NLGN1: variants seen among roughly 807,000 people sequenced by gnomAD.
The protein encoded by NLGN1 is neuroligin 1, also known as neuroligin-1.
A neutral mutation model predicts 65.5 loss-of-function variants in NLGN1; 12 were observed. The ratio of observed to expected loss-of-function variants is 0.18; its 90% CI spans 0.12 to 0.30. The LOEUF is 0.30. Ranked by LOEUF, NLGN1 falls within the 10% of genes least tolerant of loss-of-function variation. The pLI, the probability that NLGN1 is intolerant of heterozygous loss-of-function variation, is 1.00. For synonymous variants in NLGN1, 350 were observed against 359.5 expected, an observed-to-expected ratio of 0.97 and a Z score of 0.30; for missense variants, 750 against 1,007.1, an observed-to-expected ratio of 0.74 and a Z score of 3.46.
intron 4 of NLGN1, among the ~76,000 whole-genome samples, chr3:174,241,040 T>G (rs537606932): frequency 6.6e-6 from 1 of 152,262 alleles, no homozygotes; most frequent in East Asian, 1.9e-4. Context: ...AGTAGTCACT[T>G]AAAATAACAG....
chr3:173,811,698 G>A (rs1010058850), intron 4 of NLGN1, among the ~76,000 whole-genome samples: 2 of 151,616 alleles, frequency 1.3e-5, no homozygotes, highest in African/African-American at 4.8e-5. Flanking sequence ...ATGTTCTTAT[G>A]GACAAGAATT....
At chr3:174,198,056 T>C (rs1733795203) in intron 4 of NLGN1, among the ~76,000 whole-genome samples, 1 of 152,170 alleles carries the variant, frequency 6.6e-6, no homozygotes, top group Non-Finnish European at 1.5e-5. Flanking sequence ...CTTAGTTGAT[T>C]GTTACTATGT....
intron 4 of NLGN1, among the ~76,000 whole-genome samples, chr3:173,935,620 ACACTCTCTCTCTCT>A (rs1744915107): frequency 8.6e-6 from 1 of 116,554 alleles, no homozygotes; most frequent in African/African-American, 3.2e-5. Context: ...ACACACACAC[ACACTCTCTCTCTCT>A]CTCTCTCTCT....
chr3:174,098,297 G>C (rs1157533264), intron 4 of NLGN1, among the ~76,000 whole-genome samples: 2 of 151,958 alleles, frequency 1.3e-5, no homozygotes, highest in East Asian at 3.9e-4. Flanking sequence ...TTGTAATTCA[G>C]TTTGTGCAAA....
intron 2 of NLGN1, among the ~76,000 whole-genome samples, chr3:173,449,470 G>C (rs1275739675): frequency 2.0e-5 from 3 of 152,142 alleles, no homozygotes; most frequent in Non-Finnish European, 2.9e-5. Flanking sequence ...GCTGAGGAGT[G>C]CTTTACTTCC....
intron 3 of NLGN1, among the ~76,000 whole-genome samples, chr3:173,743,642 T>C (rs1255332887): frequency 6.6e-6 from 1 of 152,146 alleles, no homozygotes; most frequent in Non-Finnish European, 1.5e-5. Context: ...TATGTCTAAG[T>C]GGAAAATGTT....
intron 2 of NLGN1, among the ~76,000 whole-genome samples, chr3:173,515,518 T>C (rs1733677240): frequency 6.6e-6 from 1 of 152,170 alleles, no homozygotes; most frequent in Admixed American, 6.5e-5. Context: ...ATTTTTGCTT[T>C]GGTTGCCCAT....
chr3:173,868,241 G>A (rs1730554605), intron 4 of NLGN1, among the ~76,000 whole-genome samples: 1 of 152,190 alleles, frequency 6.6e-6, no homozygotes. Flanking sequence ...GAGAGAAAGT[G>A]AATATGAGCA....
At chr3:173,511,055 G>C (rs1732864597) in intron 2 of NLGN1, among the ~76,000 whole-genome samples, 2 of 152,148 alleles carry the variant, frequency 1.3e-5, no homozygotes, top group Non-Finnish European at 2.9e-5. Context: ...GATAATATCA[G>C]TAATTTTATG....
chr3:173,807,656 G>C (rs752824838), intron 3 of NLGN1, 24 bp from the exon 4 acceptor site: 1 of 1,609,354 alleles, frequency 6.2e-7, no homozygotes. Flanking sequence ...GGATAAGAAC[G>C]ATTGCCAACC....
chr3:173,535,159 T>A (rs921698641), intron 2 of NLGN1, among the ~76,000 whole-genome samples: 1 of 152,146 alleles, frequency 6.6e-6, no homozygotes, highest in African/African-American at 2.4e-5. Context: ...AGGCATATGG[T>A]TAGTCCACAA....
intron 1 of NLGN1, among the ~76,000 whole-genome samples, chr3:173,426,199 T>C (rs1716069987): frequency 1.3e-5 from 2 of 152,130 alleles, no homozygotes; most frequent in Admixed American, 6.6e-5. Flanking sequence ...TGCAACTTCA[T>C]TGAATTAGTT....
At chr3:173,510,968 C>T (rs577389977) in intron 2 of NLGN1, among the ~76,000 whole-genome samples, 5 of 152,192 alleles carry the variant, frequency 3.3e-5, no homozygotes, top group African/African-American at 1.2e-4. Flanking sequence ...AATCTAGGAA[C>T]CAATTCTAGC....
At chr3:174,268,971 T>C (rs1280705840) in intron 4 of NLGN1, among the ~76,000 whole-genome samples, 1 of 151,998 alleles carries the variant, frequency 6.6e-6, no homozygotes, top group Non-Finnish European at 1.5e-5. Context: ...GTTTTTTTTT[T>C]TCCAAAGGAT....
intron 4 of NLGN1, among the ~76,000 whole-genome samples, chr3:173,848,313 TGACA>T (rs781357639): frequency 5.3e-5 from 8 of 152,168 alleles, no homozygotes; most frequent in Non-Finnish European, 1.2e-4. Flanking sequence ...TTATAATCTC[TGACA>T]GACAGTGAAC....
At chr3:173,697,816 C>T (rs984750703) in intron 3 of NLGN1, among the ~76,000 whole-genome samples, 13 of 152,070 alleles carry the variant, frequency 8.5e-5, no homozygotes, top group African/African-American at 2.9e-4. Flanking sequence ...AGGCGTGAGC[C>T]ACTGCATCTG....
chr3:174,035,382 T>C (rs1015001667), intron 4 of NLGN1, among the ~76,000 whole-genome samples: 1 of 152,200 alleles, frequency 6.6e-6, no homozygotes, highest in Non-Finnish European at 1.5e-5. Context: ...ACACTGTTGC[T>C]GCTCAGGTAG....
chr3:174,117,534 A>T (rs368327891), intron 4 of NLGN1, among the ~76,000 whole-genome samples: 3 of 151,676 alleles, frequency 2.0e-5, no homozygotes, highest in Admixed American at 6.6e-5. Flanking sequence ...GGCAGGAGAA[A>T]GGCGTGAACC....
chr3:174,055,029 TTCCAAGACTGA>T (rs1298667410), intron 4 of NLGN1, among the ~76,000 whole-genome samples: 28 of 152,082 alleles, frequency 1.8e-4, no homozygotes, highest in Non-Finnish European at 2.6e-4. Flanking sequence ...CCAGAAAGCC[TTCCAAGACTGA>T]TACAAAACTC....
Sources: gnomAD v4.1 joint callset for allele counts (sites outside exome capture counted in the v4.1 genomes callset) on GRCh38, gnomAD v4.1.1 for gene constraint, MANE v1.5 for transcripts, NCBI Gene and HGNC (gene_info 2026-07-23, HGNC 2026-07-21) for gene names.